The following SCML4 variants were observed in gnomAD, a reference collection of about 807,000 sequenced individuals.
SCML4 encodes the protein Scm polycomb group protein like 4, also known as sex comb on midleg-like protein 4.
In SCML4, 34 loss-of-function variants were observed where a neutral mutation model predicts 41.1. The observed-to-expected ratio is 0.83, with a 90% CI of 0.63 to 1.10. The LOEUF is 1.10. Among genes scored for constraint, SCML4 ranks in the 50% least tolerant of loss-of-function variants. The pLI is 0.00. For synonymous variants in SCML4, 214 were observed against 220.9 expected, an observed-to-expected ratio of 0.97 and a Z score of 0.28; for missense variants, 522 against 534.1, an observed-to-expected ratio of 0.98 and a Z score of 0.22.
chr6:107,741,063 T>C (rs755485761), intron 5 of SCML4, among the ~76,000 whole-genome samples: 7 of 152,202 alleles, frequency 4.6e-5, no homozygotes, highest in Non-Finnish European at 4.4e-5. Flanking sequence ...GCAGTCATTA[T>C]GTCTTTGAGT....
intron 2 of SCML4, among the ~76,000 whole-genome samples, chr6:107,754,056 A>C (rs1778908658): frequency 6.6e-6 from 1 of 152,168 alleles, no homozygotes; most frequent in Non-Finnish European, 1.5e-5. Flanking sequence ...TGGGGAATGG[A>C]GCACGGCTGC....
intron 5 of SCML4, among the ~76,000 whole-genome samples, chr6:107,742,628 G>C (rs1045968250): frequency 6.6e-6 from 1 of 152,050 alleles, no homozygotes; most frequent in African/African-American, 2.4e-5. Flanking sequence ...TAGGCCAGGA[G>C]GGAATGGAAC....
At chr6:107,782,555 C>A (rs77296228) in intron 1 of SCML4, among the ~76,000 whole-genome samples, 2,670 of 152,400 alleles carry the variant, frequency 0.018, 47 homozygotes, top group Non-Finnish European at 0.028. Flanking sequence ...TCTTACTCTT[C>A]TCCTGCTCTT....
the SCML4 span, among the ~76,000 whole-genome samples, chr6:107,844,932 T>C: frequency 2.0e-5 from 1 of 50,548 alleles, no homozygotes; most frequent in Non-Finnish European, 4.5e-5. Context: ...TAAATATGTA[T>C]ATTAAAAAAA....
At chr6:107,841,131 C>T in the SCML4 span, among the ~76,000 whole-genome samples, 2 of 141,478 alleles carry the variant, frequency 1.4e-5, no homozygotes, top group Non-Finnish European at 3.0e-5. Context: ...TTGGTATTGA[C>T]CAACAGCAGT....
chr6:107,840,656 C>T, the SCML4 span, among the ~76,000 whole-genome samples: 1 of 152,080 alleles, frequency 6.6e-6, no homozygotes, highest in Non-Finnish European at 1.5e-5. Flanking sequence ...ATAACTGCTA[C>T]AGAGAAAAAT....
At chr6:107,805,766 A>G (rs745868777) in intron 1 of SCML4, among the ~76,000 whole-genome samples, 8 of 152,254 alleles carry the variant, frequency 5.3e-5, no homozygotes, top group Non-Finnish European at 1.2e-4. Context: ...CTCAGATCTA[A>G]GAGCACAAAG....
intron 1 of SCML4, among the ~76,000 whole-genome samples, chr6:107,785,740 T>C (rs1562256960): frequency 6.6e-6 from 1 of 152,140 alleles, no homozygotes; most frequent in Non-Finnish European, 1.5e-5. Flanking sequence ...AGAGGAGACA[T>C]CTGTACATGA....
intron 5 of SCML4, among the ~76,000 whole-genome samples, chr6:107,727,887 G>C (rs1776147185): frequency 6.6e-6 from 1 of 152,148 alleles, no homozygotes; most frequent in Non-Finnish European, 1.5e-5. Flanking sequence ...AATCCTTTTT[G>C]TGTCCCACAT....
At chr6:107,772,850 A>G (rs1318561327) in intron 1 of SCML4, among the ~76,000 whole-genome samples, 1 of 152,208 alleles carries the variant, frequency 6.6e-6, no homozygotes, top group Non-Finnish European at 1.5e-5. Context: ...AAAGAAATTT[A>G]AGAAATTTAA....
chr6:107,835,599 G>T, the SCML4 span, among the ~76,000 whole-genome samples: 3 of 151,424 alleles, frequency 2.0e-5, no homozygotes, highest in Non-Finnish European at 4.4e-5. Context: ...AAATTATCTG[G>T]GCATGGTGGC....
In SCML4 at chr6:107,729,555, C is replaced by T. The variant is rs142247784; in HGVS notation, c.683-8562G>A. Among the ~76,000 whole-genome samples, 38 of 152,320 alleles carry T rather than the reference C, an allele frequency of 2.5e-4. No homozygotes were observed. In the East Asian group the frequency reaches 6.4e-3, roughly 26 times the overall value. Reference sequence around the variant, plus strand: ...AGATACCCGAGAATTTGAACATACACGATTCAGCCTACGACAACCAGTAAA... The same window carrying T: ...AGATACCCGAGAATTTGAACATACATGATTCAGCCTACGACAACCAGTAAA... On this transcript the variant is annotated intron_variant, in intron 5 of 7. Transcript: ENST00000369020.
intron 1 of SCML4, among the ~76,000 whole-genome samples, chr6:107,778,351 CTATCTCAGT>C (rs1781204467): frequency 6.7e-6 from 1 of 148,978 alleles, no homozygotes. Context: ...GCAGTGAATA[CTATCTCAGT>C]TCAGGTCAGA....
chr6:107,823,783 G>A (rs994895126), intron 1 of SCML4, among the ~76,000 whole-genome samples: 5 of 151,908 alleles, frequency 3.3e-5, no homozygotes, highest in Admixed American at 6.6e-5. Context: ...ATAACTAACC[G>A]GTTACTTGAG....
chr6:107,827,316 T>C (rs1338751305), upstream of SCML4, among the ~76,000 whole-genome samples: 1 of 147,500 alleles, frequency 6.8e-6, no homozygotes, highest in African/African-American at 2.5e-5. Flanking sequence ...CTTAAATGTA[T>C]ATTTTTATTT....
upstream of SCML4, among the ~76,000 whole-genome samples, chr6:107,826,988 G>A (rs544541989): frequency 2.6e-5 from 4 of 152,084 alleles, no homozygotes; most frequent in Non-Finnish European, 5.9e-5. Flanking sequence ...GTGTGAACCC[G>A]GGAGGCGGAG....
At chr6:107,745,302 G>A (rs1777974680) in intron 4 of SCML4, 159 bp from the exon 5 acceptor site, 1 of 599,646 alleles carries the variant, frequency 1.7e-6, no homozygotes, top group Non-Finnish European at 2.9e-6. Context: ...TGTTTCTGGT[G>A]GGGATCCCAC....
chr6:107,787,355 C>T (rs900314664), intron 1 of SCML4, among the ~76,000 whole-genome samples: 18 of 152,146 alleles, frequency 1.2e-4, no homozygotes, highest in Admixed American at 3.3e-4. Context: ...GCAATTGCTG[C>T]GAGACACTTG....
At chr6:107,744,713 G>A (rs531286093) in intron 5 of SCML4, among the ~76,000 whole-genome samples, 3 of 152,308 alleles carry the variant, frequency 2.0e-5, no homozygotes, top group African/African-American at 7.2e-5. Context: ...AAGTTATAAT[G>A]TCAGCTCTTA....
Sources: allele counts gnomAD v4.1 joint callset (sites outside exome capture counted in the v4.1 genomes callset), GRCh38; gene constraint gnomAD v4.1.1; transcripts MANE v1.5; gene names NCBI Gene and HGNC (gene_info 2026-07-23, HGNC 2026-07-21).